TRIP12: variants seen among roughly 807,000 people sequenced by gnomAD.
The protein encoded by TRIP12 is E3 ubiquitin-protein ligase TRIP12.
In TRIP12, 25 loss-of-function variants were observed where a neutral mutation model predicts 244.2. The ratio of observed to expected loss-of-function variants is 0.10; its 90% confidence interval spans 0.07 to 0.14. The LOEUF is 0.14. TRIP12 is among the 10% of genes least tolerant of loss of function. TRIP12 has a pLI of 1.00. For missense variants in TRIP12, 1,677 were observed against 2,486.4 expected, an observed-to-expected ratio of 0.67 and a Z score of 6.92; for synonymous variants, 905 against 873.1, an observed-to-expected ratio of 1.04 and a Z score of -0.64.
intron 1 of TRIP12, among the ~76,000 whole-genome samples, chr2:229,903,010 C>CTTTTCTTTT (rs1560250130): frequency 4.3e-4 from 11 of 25,664 alleles, no homozygotes; most frequent in South Asian, 1.8e-3. Context: ...TTTTCTTTTT[C>CTTTTCTTTT]TTTTTTTCTT....
At chr2:229,807,900 A>G in intron 16 of TRIP12, 36 bp from the exon 17 acceptor site, 1 of 1,578,942 alleles carries the variant, frequency 6.3e-7, no homozygotes, top group South Asian at 1.1e-5. Context: ...TAGTAACTTT[A>G]TGAAATATTA....
In TRIP12 at chr2:229,859,271, A is replaced by G. The variant is rs1244603986; in HGVS notation, c.528T>C (p.His176=). The G allele has an allele frequency of 1.2e-6, 2 of 1,614,060 alleles. No homozygotes were observed. Among genetic ancestry groups the G allele is most frequent in the East Asian group, 4.5e-5 (2 of 44,902 alleles). Residue 176 remains histidine (H), a synonymous_variant, in exon 4 of 42, where the codon CAT becomes CAC. Transcript: ENST00000675903. Reference sequence around the variant, plus strand: ...CGCCAGTGGCCCCACTCTTCCTGGTATGAGCCTTGCTTGTTGATGGTGATT... The same window carrying G: ...CGCCAGTGGCCCCACTCTTCCTGGTGTGAGCCTTGCTTGTTGATGGTGATT... The part of the protein sequence containing the change: ...SAQSPSTSKA[H]TRKSGATGGS...
chr2:229,788,290 T>A (rs558045072), intron 32 of TRIP12, among the ~76,000 whole-genome samples: 1 of 152,310 alleles, frequency 6.6e-6, no homozygotes, highest in South Asian at 2.1e-4. Context: ...AGCTCATTTT[T>A]AAAATATGAC....
At chr2:229,846,324 A>C (rs1191056499) in intron 4 of TRIP12, among the ~76,000 whole-genome samples, 1 of 152,164 alleles carries the variant, frequency 6.6e-6, no homozygotes, top group Non-Finnish European at 1.5e-5. Flanking sequence ...ACCTTCAGCA[A>C]CCACCACCCT....
chr2:229,821,830 G>A (rs146185975), intron 8 of TRIP12, among the ~76,000 whole-genome samples: 2 of 152,256 alleles, frequency 1.3e-5, no homozygotes, highest in East Asian at 1.9e-4. Context: ...CAGGTACCGA[G>A]TTCTGGAACT....
intron 2 of TRIP12, among the ~76,000 whole-genome samples, chr2:229,870,902 G>T (rs770715158): frequency 6.6e-5 from 10 of 152,048 alleles, no homozygotes; most frequent in African/African-American, 2.4e-4. Flanking sequence ...GGCTAGACAC[G>T]GTGGCTCACA....
chr2:229,796,490 G>T, intron 25 of TRIP12, 101 bp downstream of exon 25: 1 of 1,087,370 alleles, frequency 9.2e-7, no homozygotes, highest in Non-Finnish European at 1.3e-6. Flanking sequence ...TTCCCTCAAT[G>T]TCTTGACCAA....
At chr2:229,854,458 T>TC (rs940409021) in intron 4 of TRIP12, among the ~76,000 whole-genome samples, 49 of 152,356 alleles carry the variant, frequency 3.2e-4, no homozygotes, top group African/African-American at 1.2e-3. Context: ...TTGTGATGCC[T>TC]CCTGTGTACT....
chr2:229,921,684 A>T (rs964516568), intron 1 of TRIP12, 196 bp downstream of exon 1: 1 of 149,614 alleles, frequency 6.7e-6, no homozygotes, highest in African/African-American at 2.5e-5. Flanking sequence ...TCTCCCGTCC[A>T]CCCCCGGCCC....
chr2:229,770,317 G>GAA lies in TRIP12; in HGVS notation c.5809-994_5809-993dup, dbSNP rs758101926. Reference sequence around the variant, plus strand: ...TAGGGGTTATTCCAATTTTACAGATGAAACAGTCCTATCAGATACAGTAAC... The same window carrying GAA: ...TAGGGGTTATTCCAATTTTACAGATGAAAAACAGTCCTATCAGATACAGTAAC... On this transcript the variant is annotated intron_variant, in intron 39 of 41. Coordinates refer to ENST00000675903, the MANE Select transcript of TRIP12 (RefSeq NM_001348323.3). Among the ~76,000 whole-genome samples, 3 of 152,222 alleles carry GAA rather than the reference G, an allele frequency of 2.0e-5. No individual in the cohort carries two copies. The East Asian group carries it at 5.8e-4, about 29-fold the overall frequency.
intron 2 of TRIP12, among the ~76,000 whole-genome samples, chr2:229,876,169 G>A (rs888789682): frequency 3.3e-5 from 5 of 152,256 alleles, no homozygotes; most frequent in South Asian, 4.1e-4. Flanking sequence ...AGCTACTCAG[G>A]AGGCTGAGAG....
chr2:229,850,102 CTAATG>C (rs1447629919), intron 4 of TRIP12, among the ~76,000 whole-genome samples: 1 of 152,170 alleles, frequency 6.6e-6, no homozygotes, highest in Non-Finnish European at 1.5e-5. Context: ...AGGGCAATTA[CTAATG>C]TAAATTGAGT....
chr2:229,818,321 G>A, intron 9 of TRIP12, 43 bp downstream of exon 9: 1 of 1,596,676 alleles, frequency 6.3e-7, no homozygotes, highest in Non-Finnish European at 8.5e-7. Flanking sequence ...GCAGATTTCA[G>A]AGGACAAATG....
At chr2:229,869,033 A>G (rs924995716) in intron 2 of TRIP12, among the ~76,000 whole-genome samples, 1 of 152,168 alleles carries the variant, frequency 6.6e-6, no homozygotes, top group South Asian at 2.1e-4. Flanking sequence ...TTACTTGACA[A>G]CACAGCAAGG....
chr2:229,793,376 G>C (rs2042021690), intron 26 of TRIP12: 2 of 322,720 alleles, frequency 6.2e-6, no homozygotes, highest in Non-Finnish European at 1.1e-5. Context: ...AAAACCTTAA[G>C]TCAATATTTG....
Position 229,880,037 on chromosome 2 carries a change from G to A in TRIP12, c.43C>T (p.Arg15Cys). The change falls in exon 2 of 42, where the codon CGT (arginine) becomes TGT (cysteine). Residue 15 changes from arginine (R) to cysteine (C), a missense_variant. Physicochemically the swap from Arg to Cys is radical, Grantham distance 180. Coordinates refer to ENST00000675903, the MANE Select transcript of TRIP12 (RefSeq NM_001348323.3). ...PNNNPGGSLR[R>C]SQRNTAGAQP... ...GCCCCGGCAGTGTTCCTCTGTGAAC[G>A]TCGCAGTGACCCCCCTGGATTGTTA... The A allele has an allele frequency of 6.2e-7, 1 of 1,614,062 alleles. No individual in the cohort carries two copies. Among genetic ancestry groups the A allele is most frequent in the Non-Finnish European group, 8.5e-7 (1 of 1,180,016 alleles).
intron 1 of TRIP12, among the ~76,000 whole-genome samples, chr2:229,906,354 G>C (rs753436137): frequency 6.1e-5 from 9 of 148,384 alleles, no homozygotes; most frequent in Non-Finnish European, 1.3e-4. Context: ...TTTACTGCAT[G>C]AATCTTTCTT....
rs1026528088 is a variant in TRIP12 at position 229,863,461 on chromosome 2, C to CA, written c.99-2931dup. Among the ~76,000 whole-genome samples the CA allele has an allele frequency of 1.8e-4, 27 of 151,814 alleles. 1 individual carries two copies. Among genetic ancestry groups the CA allele is most frequent in the African/African-American group, 6.1e-4 (25 of 41,300 alleles). On this transcript the variant is annotated intron_variant, in intron 2 of 41. Coordinates refer to ENST00000675903, the MANE Select transcript of TRIP12 (RefSeq NM_001348323.3). ...CAGCTTCCTGGGCAATACTGTATGT[C>CA]AAAAAAACAGGTACAGAAAATTCTC... is the stretch of plus-strand genomic sequence containing the variant.
rs2042903591 is a variant in TRIP12 at position 229,796,738 on chromosome 2, G to C, written c.3669C>G (p.Val1223=). The C allele has an allele frequency of 3.1e-6, 5 of 1,607,194 alleles. No homozygotes were observed. The highest frequency in any genetic ancestry group is 4.2e-6 in the Non-Finnish European group (5 of 1,178,230). Reference sequence around the variant, plus strand: ...CAAATGATGAAACATCTGACTCTGAGACTATGCTACGGATTTCTACAAGGC... The same window carrying C: ...CAAATGATGAAACATCTGACTCTGACACTATGCTACGGATTTCTACAAGGC... ...AECLVEIRSI[V]SESDVSSFEI... The change falls in exon 25 of 42, where the codon GTC becomes GTG. Residue 1223 remains valine, a synonymous_variant. Coordinates refer to ENST00000675903, the MANE Select transcript of TRIP12 (RefSeq NM_001348323.3).
Sources: gnomAD v4.1 joint callset for allele counts (sites outside exome capture counted in the v4.1 genomes callset) on GRCh38, gnomAD v4.1.1 for gene constraint, MANE v1.5 for transcripts, NCBI Gene and HGNC (gene_info 2026-07-23, HGNC 2026-07-21) for gene names.